Variants in PDE6C observed in about 807,000 individuals in gnomAD.
PDE6C encodes the protein cone cGMP-specific 3',5'-cyclic phosphodiesterase subunit alpha'.
Under a neutral mutation model 113.1 loss-of-function variants are expected in PDE6C, and 75 were observed. That is an observed-to-expected ratio of 0.66 (90% confidence interval 0.55 to 0.80). The LOEUF (loss-of-function observed/expected upper bound fraction) is 0.80, where lower values mean the gene tolerates loss of function less well. PDE6C is among the 30% of genes least tolerant of loss of function. The pLI is 0.00. For synonymous variants in PDE6C, 375 were observed against 363.7 expected (o/e 1.03, Z -0.35); for missense variants, 912 against 1,038.6 (o/e 0.88, Z 1.67).
In PDE6C at chr10:93,636,880, G is replaced by C. The variant is rs577562491; in HGVS notation, c.1414-115G>C. 4 of 697,474 alleles carry C rather than the reference G, an allele frequency of 5.7e-6. No homozygotes were observed. In the African/African-American group the frequency reaches 7.1e-5, roughly 12 times the overall value. The allele number at this position is 697,474 out of a possible 1,614,324, so 43.2% of individuals were successfully genotyped here. A position where few individuals can be genotyped will look rare whatever the true frequency, so the allele number is the denominator to read the frequency against. Reference sequence around the variant, plus strand: ...ACTCCTGGGCTCCAGGGATCTTCCCGCCTCTTCCTCCCACATATTTTAAAT... The same window carrying C: ...ACTCCTGGGCTCCAGGGATCTTCCCCCCTCTTCCTCCCACATATTTTAAAT... On this transcript the variant is annotated intron_variant, in intron 10 of 21. Coordinates refer to ENST00000371447, the MANE Select transcript of PDE6C (RefSeq NM_006204.4).
rs1206958445 is a variant in PDE6C at position 93,622,654 on chromosome 10, T to G, written c.864+582T>G. On this transcript the variant is annotated intron_variant, in intron 4 of 21. Coordinates refer to ENST00000371447, the MANE Select transcript of PDE6C (RefSeq NM_006204.4). ...GTAGCCACAGGTTTTTTTTTTGTTT[T>G]TTTTTTTGTTGTTTTTTTTTTTTTG... Among the ~76,000 whole-genome samples the G allele has an allele frequency of 8.5e-5, 7 of 82,230 alleles. No individual in the cohort carries two copies. In the South Asian group the frequency reaches 1.3e-3, roughly 15 times the overall value. The allele number at this position is 82,230 out of a possible 152,430, so 53.9% of individuals were successfully genotyped here.
intron 15 of PDE6C, among the ~76,000 whole-genome samples, chr10:93,652,887 A>G (rs1171095398): frequency 6.6e-6 from 1 of 152,148 alleles, no homozygotes; most frequent in Non-Finnish European, 1.5e-5. Context: ...CCAAGGAATT[A>G]TTTCTCTGAA....
intron 19 of PDE6C, 106 bp from the exon 20 acceptor site, chr10:93,662,454 C>G: frequency 1.9e-6 from 1 of 521,914 alleles, no homozygotes; most frequent in Non-Finnish European, 3.4e-6. Flanking sequence ...GAGTGAGACT[C>G]TGCCTCAAAA....
intron 1 of PDE6C, among the ~76,000 whole-genome samples, chr10:93,617,163 C>G (rs2058423850): frequency 6.6e-6 from 1 of 152,102 alleles, no homozygotes; most frequent in African/African-American, 2.4e-5. Flanking sequence ...TTGCTCTAAA[C>G]AATGTTCTCC....
rs1390254870 is a variant in PDE6C at position 93,636,983 on chromosome 10, T to C, written c.1414-12T>C. 3.3e-6 allele frequency: 5 copies of C among 1,504,828 alleles called. No homozygotes were observed. The highest frequency in any genetic ancestry group is 1.4e-5 in the African/African-American group (1 of 72,824). The allele number at this position is 1,504,828 out of a possible 1,614,324, so 93.2% of individuals were successfully genotyped here. A position where few individuals can be genotyped will look rare whatever the true frequency, so the allele number is the denominator to read the frequency against. Reference sequence around the variant, plus strand: ...TTAGGAATTTCACACCTCAATTGCTTTTACATTTTAGAAATTTCAAGAGAA... The same window carrying C: ...TTAGGAATTTCACACCTCAATTGCTCTTACATTTTAGAAATTTCAAGAGAA... On this transcript the variant is annotated splice_polypyrimidine_tract_variant and intron_variant, in intron 10 of 21. Coordinates refer to ENST00000371447, the MANE Select transcript of PDE6C (RefSeq NM_006204.4).
chr10:93,634,125 C>A (rs1250328113), intron 8 of PDE6C, among the ~76,000 whole-genome samples: 6 of 152,008 alleles, frequency 3.9e-5, no homozygotes, highest in Non-Finnish European at 1.5e-5. Flanking sequence ...TGGGTTCAAG[C>A]AATTCTCCTG....
intron 3 of PDE6C, 103 bp from the exon 4 acceptor site, chr10:93,621,829 C>A (rs930132277): frequency 1.9e-6 from 2 of 1,031,588 alleles, no homozygotes; most frequent in Admixed American, 1.7e-5. Flanking sequence ...CAATGATATG[C>A]ATTTATTTTA....
chr10:93,617,584 G>T (rs1376114513), intron 1 of PDE6C, among the ~76,000 whole-genome samples: 1 of 152,146 alleles, frequency 6.6e-6, no homozygotes, highest in Non-Finnish European at 1.5e-5. Flanking sequence ...GACCAGCCTG[G>T]CCAACACAGT....
chr10:93,617,278 A>G (rs2058424572), intron 1 of PDE6C, among the ~76,000 whole-genome samples: 1 of 152,188 alleles, frequency 6.6e-6, no homozygotes, highest in African/African-American at 2.4e-5. Context: ...ATAAAACACA[A>G]AAACCCCTCC....
intron 10 of PDE6C, 139 bp from the exon 11 acceptor site, chr10:93,636,856 C>T: frequency 3.1e-6 from 2 of 654,448 alleles, no homozygotes; most frequent in Non-Finnish European, 5.6e-6. Flanking sequence ...CATCTTCCAA[C>T]TCCTGGGCTC....
At chr10:93,662,984 T>G in intron 20 of PDE6C, 44 bp from the exon 21 acceptor site, 1 of 1,542,320 alleles carries the variant, frequency 6.5e-7, no homozygotes, top group Non-Finnish European at 8.9e-7. Context: ...TCCTGAAAAT[T>G]AACTGTATGA....
chr10:93,628,131 C>G (rs977816882), intron 7 of PDE6C, among the ~76,000 whole-genome samples: 3 of 152,192 alleles, frequency 2.0e-5, no homozygotes, highest in Non-Finnish European at 4.4e-5. Flanking sequence ...TTCCCCAATT[C>G]CCAGCCAGGA....
At chr10:93,650,256 C>CT (rs1564803639) in intron 15 of PDE6C, among the ~76,000 whole-genome samples, 1 of 151,976 alleles carries the variant, frequency 6.6e-6, no homozygotes, top group South Asian at 2.1e-4. Context: ...TGATTCATTC[C>CT]TTTTTTTAGA....
intron 5 of PDE6C, 77 bp downstream of exon 5, chr10:93,625,726 G>T: frequency 1.0e-6 from 1 of 977,536 alleles, no homozygotes; most frequent in South Asian, 1.3e-5. Flanking sequence ...AGTGCATAGA[G>T]CACTGGCCTG....
intron 14 of PDE6C, among the ~76,000 whole-genome samples, chr10:93,643,824 A>G (rs2058570805): frequency 6.6e-6 from 1 of 152,026 alleles, no homozygotes; most frequent in Non-Finnish European, 1.5e-5. Flanking sequence ...CAATACAATG[A>G]TCACCCTCAG....
chr10:93,619,456 T>C (rs1463768527), intron 1 of PDE6C, among the ~76,000 whole-genome samples: 1 of 152,218 alleles, frequency 6.6e-6, no homozygotes, highest in African/African-American at 2.4e-5. Flanking sequence ...GATAGAGTTT[T>C]GCTCTTGTTG....
chr10:93,627,998 C>T (rs2058482145), intron 7 of PDE6C, among the ~76,000 whole-genome samples: 1 of 152,160 alleles, frequency 6.6e-6, no homozygotes, highest in Admixed American at 6.5e-5. Flanking sequence ...CCACTTAGAT[C>T]TTGTTAGATT....
At chr10:93,653,526 C>G (rs2058619062) in intron 15 of PDE6C, among the ~76,000 whole-genome samples, 1 of 152,024 alleles carries the variant, frequency 6.6e-6, no homozygotes, top group Admixed American at 6.6e-5. Flanking sequence ...TGCCTGTAAT[C>G]CCAGCTATTT....
chr10:93,622,098 C>T, intron 4 of PDE6C, 26 bp downstream of exon 4: 1 of 1,610,086 alleles, frequency 6.2e-7, no homozygotes, highest in South Asian at 1.1e-5. Flanking sequence ...CACATTTTGT[C>T]TCATCTCACA....
Sources: gnomAD v4.1 joint callset for allele counts (sites outside exome capture counted in the v4.1 genomes callset) on GRCh38, gnomAD v4.1.1 for gene constraint, MANE v1.5 for transcripts, NCBI Gene and HGNC (gene_info 2026-07-23, HGNC 2026-07-21) for gene names.